The following SLC38A11 variants were observed in gnomAD, a reference collection of about 807,000 sequenced individuals.
SLC38A11 encodes solute carrier family 38 member 11.
Under a neutral mutation model 49.4 loss-of-function variants are expected in SLC38A11, and 51 were observed. That is an observed-to-expected ratio of 1.03 (90% CI 0.83 to 1.30). SLC38A11 has a LOEUF of 1.30. Ranked by LOEUF, SLC38A11 falls within the 50% of genes most tolerant of loss-of-function variation. The probability of loss-of-function intolerance (pLI) is 0.00; values close to 1 mark genes in which losing one functional copy is unlikely to be tolerated. For synonymous variants in SLC38A11, 203 were observed against 192.9 expected (o/e 1.05, Z -0.43); for missense variants, 574 against 556.2 (o/e 1.03, Z -0.32).
At position 164,911,665 on chromosome 2, in the gene SLC38A11, A is replaced by G; in HGVS notation, c.934T>C (p.Tyr312His). The stretch of plus-strand genomic sequence containing the variant: ...CTTGTCACAAAGCATTCCATAGGGT[A>G]TGTCAAAATGACAGTGACACCATAA... The part of the protein sequence containing the change: ...FCYGVTVILT[Y>H]PMECFVTREV... The change falls in exon 10 of 12, where the codon TAC becomes CAC. Residue 312 changes from tyrosine (Y) to histidine (H), a missense_variant. Tyr to His is a moderately conservative substitution (Grantham distance 83). Transcript: ENST00000685975. 6.2e-7 allele frequency: 1 copy of G among 1,605,134 alleles called. No homozygotes were observed. Among genetic ancestry groups the G allele is most frequent in the Non-Finnish European group, 8.5e-7 (1 of 1,175,114 alleles).
intron 3 of SLC38A11, among the ~76,000 whole-genome samples, chr2:164,947,645 G>T (rs1574009793): frequency 6.6e-6 from 1 of 152,034 alleles, no homozygotes; most frequent in South Asian, 2.1e-4. Context: ...TTTGGTTATT[G>T]GTTCTGGAAT....
chr2:164,911,604 T>C (rs1443903705), intron 10 of SLC38A11, 32 bp downstream of exon 10: 6 of 1,130,808 alleles, frequency 5.3e-6, no homozygotes, highest in African/African-American at 1.6e-5. Flanking sequence ...AGAGATCACC[T>C]GGGTAAAGCG....
intron 10 of SLC38A11, 148 bp from the exon 11 acceptor site, chr2:164,908,919 T>G: frequency 3.4e-6 from 3 of 886,710 alleles, no homozygotes; most frequent in Non-Finnish European, 3.2e-6. Flanking sequence ...ATGTTCTATA[T>G]TTTCCAAATT....
chr2:164,954,697 C>A lies in SLC38A11; in HGVS notation c.88G>T (p.Glu30Ter). 6.5e-7 allele frequency: 1 copy of A among 1,543,966 alleles called. No individual in the cohort carries two copies. Among genetic ancestry groups the A allele is most frequent in the Non-Finnish European group, 8.7e-7 (1 of 1,143,068 alleles). Residue 30 changes from glutamate to a stop codon, truncating the protein, a stop_gained, in exon 2 of 12, where the codon GAG becomes TAG. Transcript: ENST00000685975. LOFTEE classifies it high-confidence loss of function. ...AGAGCAGCAGACTGACAGGTTTTCT[C>A]TTTATACTCATGTTCAGAAACAAGG... ...ETLVSEHEYKEKTCQSAALFN... is the reference protein window; with the variant it reads ...ETLVSEHEYK
chr2:164,933,732 A>T (rs954812068), intron 7 of SLC38A11, among the ~76,000 whole-genome samples: 5 of 152,078 alleles, frequency 3.3e-5, no homozygotes, highest in Admixed American at 2.6e-4. Context: ...CTCATGTTTT[A>T]TGGATTACAA....
chr2:164,954,571 G>T, intron 2 of SLC38A11, 60 bp downstream of exon 2: 1 of 676,062 alleles, frequency 1.5e-6, no homozygotes, highest in Non-Finnish European at 2.4e-6. Flanking sequence ...CACTAGCAGC[G>T]TAGCGAGTCT....
chr2:164,950,884 C>A (rs1004893636), intron 3 of SLC38A11, among the ~76,000 whole-genome samples: 32 of 151,742 alleles, frequency 2.1e-4, no homozygotes, highest in Admixed American at 1.6e-3. Context: ...AACATTATAC[C>A]CTACATGTAG....
chr2:164,913,273 A>G (rs1470411395), intron 9 of SLC38A11, among the ~76,000 whole-genome samples: 2 of 152,048 alleles, frequency 1.3e-5, no homozygotes, highest in East Asian at 3.9e-4. Context: ...TTCAAGGTTG[A>G]CTGAAAAGAT....
rs1357080158 is a variant in SLC38A11 at position 164,955,480 on chromosome 2, C to G, written c.-233G>C. The G allele has an allele frequency of 3.6e-6, 2 of 552,014 alleles. No individual in the cohort carries two copies. Among genetic ancestry groups the G allele is most frequent in the East Asian group, 6.2e-5 (2 of 32,430 alleles). 34.2% of individuals were successfully genotyped at this position (552,014 alleles called of 1,614,324 possible). ...GCTTTTCCACCGGAGTTCGCCCAGA[C>G]AAATGTATTTTTCCTCCGGAGACGG... On this transcript the variant is annotated 5_prime_UTR_variant, in exon 1 of 12. Transcript: ENST00000685975.
In SLC38A11 at chr2:164,944,644, T is replaced by G. The variant is rs932243255; in HGVS notation, c.365-10A>C. On this transcript the variant is annotated splice_polypyrimidine_tract_variant and intron_variant, in intron 4 of 11. Transcript: ENST00000685975. ...TTGTAACTTATCATTGCTAAAAACA[T>G]AATTAAAATAAGAGTCATCAATAAG... The G allele has an allele frequency of 4.4e-6, 5 of 1,148,508 alleles. No individual in the cohort carries two copies. The African/African-American group carries it at 8.0e-5, about 18-fold the overall frequency. The allele number at this position is 1,148,508 out of a possible 1,614,324, so 71.1% of individuals were successfully genotyped here.
intron 9 of SLC38A11, among the ~76,000 whole-genome samples, chr2:164,914,542 T>C (rs1685630689): frequency 6.6e-6 from 1 of 151,498 alleles, no homozygotes; most frequent in South Asian, 2.1e-4. Context: ...ATTAAAACAA[T>C]GAAAGTACCG....
Position 164,894,603 on chromosome 2 carries a change from G to A in SLC38A11, c.*3834C>T, listed in dbSNP as rs1003903743. On this transcript the variant is annotated 3_prime_UTR_variant, in exon 12 of 12. Coordinates refer to ENST00000685975, the MANE Select transcript of SLC38A11 (RefSeq NM_001351537.2). Reference sequence around the variant, plus strand: ...CTCACAATGGCAGCCATGAAACTCAGGTAACCTTCCCTGAGTGCTGGCAGG... The same window carrying A: ...CTCACAATGGCAGCCATGAAACTCAAGTAACCTTCCCTGAGTGCTGGCAGG... 3.3e-5 allele frequency among the ~76,000 whole-genome samples: 5 copies of A among 152,126 alleles called. No individual in the cohort carries two copies. The highest frequency in any genetic ancestry group is 7.2e-5 in the African/African-American group (3 of 41,432).
At chr2:164,935,425 C>T (rs1483643308) in intron 7 of SLC38A11, among the ~76,000 whole-genome samples, 1 of 148,744 alleles carries the variant, frequency 6.7e-6, no homozygotes, top group Non-Finnish European at 1.5e-5. Flanking sequence ...AATCCCAGCA[C>T]TTTGGGGTCT....
intron 7 of SLC38A11, chr2:164,922,333 G>A (rs1686262544): frequency 6.6e-6 from 1 of 152,144 alleles, no homozygotes; most frequent in Admixed American, 6.5e-5. Flanking sequence ...GGAGTTGAGT[G>A]CTTTGGATGA....
intron 3 of SLC38A11, chr2:164,950,040 G>A (rs891948301): frequency 6.6e-6 from 1 of 152,204 alleles, no homozygotes; most frequent in African/African-American, 2.4e-5. Flanking sequence ...ACAGATGCTG[G>A]AAGCAGGAAA....
At position 164,895,221 on chromosome 2, in the gene SLC38A11, A is replaced by G. The variant is rs1166977366; in HGVS notation, c.*3216T>C. Reference sequence around the variant, plus strand: ...CTCTAGGTCACAGCATCTCTGGTCCACTCTACATATTTGCTCTGCTATCTT... The same window carrying G: ...CTCTAGGTCACAGCATCTCTGGTCCGCTCTACATATTTGCTCTGCTATCTT... On this transcript the variant is annotated 3_prime_UTR_variant, in exon 12 of 12. Coordinates refer to ENST00000685975, the MANE Select transcript of SLC38A11 (RefSeq NM_001351537.2). 2.0e-5 allele frequency among the ~76,000 whole-genome samples: 3 copies of G among 152,046 alleles called. No individual in the cohort carries two copies. The East Asian group carries it at 5.8e-4, about 29-fold the overall frequency.
At chr2:164,944,918 G>A (rs543925583) in intron 4 of SLC38A11, among the ~76,000 whole-genome samples, 2 of 152,218 alleles carry the variant, frequency 1.3e-5, no homozygotes, top group Admixed American at 6.5e-5. Context: ...AATTTATTTT[G>A]TTGTTAAAGT....
chr2:164,925,910 A>T (rs1184189577), intron 7 of SLC38A11, among the ~76,000 whole-genome samples: 1 of 152,178 alleles, frequency 6.6e-6, no homozygotes, highest in East Asian at 1.9e-4. Context: ...GTTCTGGGCC[A>T]TCTACCCATA....
rs141517441 is a variant in SLC38A11 at position 164,935,853 on chromosome 2, G to A, written c.617+1497C>T. 4.0e-4 allele frequency among the ~76,000 whole-genome samples: 61 copies of A among 152,128 alleles called. No homozygotes were observed. The Middle Eastern group carries it at 0.01, about 25-fold the overall frequency. ...GGTTAGATAAACGCATGAGGGAAGG[G>A]TGGAGCCCTCACTCTGGGACTGGAG... On this transcript the variant is annotated intron_variant, in intron 7 of 11. Coordinates refer to ENST00000685975, the MANE Select transcript of SLC38A11 (RefSeq NM_001351537.2).
Sources: allele counts gnomAD v4.1 joint callset (sites outside exome capture counted in the v4.1 genomes callset), GRCh38; gene constraint gnomAD v4.1.1; transcripts MANE v1.5; gene names NCBI Gene and HGNC (gene_info 2026-07-23, HGNC 2026-07-21).